The following WWOX variants were observed in gnomAD, a reference collection of about 807,000 sequenced individuals.
WWOX encodes WW domain-containing oxidoreductase.
Under a neutral mutation model 46.2 loss-of-function variants are expected in WWOX, and 69 were observed. The ratio of observed to expected loss-of-function variants is 1.49; its 90% CI spans 1.23 to 1.82. WWOX has a LOEUF of 1.82. Among genes scored for constraint, WWOX ranks in the 40% most tolerant of loss-of-function variants. The pLI is 0.00. For synonymous variants in WWOX, 359 were observed against 202.6 expected (o/e 1.77, Z -6.56); for missense variants, 919 against 542.6 (o/e 1.69, Z -6.89).
intron 8 of WWOX, among the ~76,000 whole-genome samples, chr16:79,092,273 A>G (rs1263566565): frequency 6.6e-6 from 1 of 152,216 alleles, no homozygotes; most frequent in Non-Finnish European, 1.5e-5. Flanking sequence ...TAACAATATT[A>G]AAACCTAAAG....
chr16:79,017,980 C>T (rs1283830751), intron 8 of WWOX, among the ~76,000 whole-genome samples: 1 of 152,192 alleles, frequency 6.6e-6, no homozygotes, highest in African/African-American at 2.4e-5. Flanking sequence ...TTGCACACCA[C>T]AGTATCCAAA....
At chr16:79,083,785 G>A (rs1431656308) in intron 8 of WWOX, among the ~76,000 whole-genome samples, 1 of 151,974 alleles carries the variant, frequency 6.6e-6, no homozygotes, top group Non-Finnish European at 1.5e-5. Context: ...GTTCCCATCT[G>A]AGGTCTTGTC....
At chr16:78,907,298 G>A (rs1054317496) in intron 8 of WWOX, among the ~76,000 whole-genome samples, 11 of 152,126 alleles carry the variant, frequency 7.2e-5, no homozygotes, top group African/African-American at 1.9e-4. Flanking sequence ...TGCAAAAGCC[G>A]GAAAAGACAT....
chr16:78,782,083 T>C (rs1402948620), intron 8 of WWOX, among the ~76,000 whole-genome samples: 1 of 152,120 alleles, frequency 6.6e-6, no homozygotes, highest in Admixed American at 6.6e-5. Context: ...CGGGGAGAAA[T>C]AGATGAAGCT....
intron 5 of WWOX, among the ~76,000 whole-genome samples, chr16:78,368,439 C>G (rs1481993581): frequency 6.6e-6 from 1 of 152,148 alleles, no homozygotes; most frequent in Non-Finnish European, 1.5e-5. Flanking sequence ...CTTTGGTTTT[C>G]CTGATGTACC....
chr16:78,543,072 T>C (rs987484985), intron 8 of WWOX, among the ~76,000 whole-genome samples: 1 of 152,210 alleles, frequency 6.6e-6, no homozygotes, highest in Admixed American at 6.5e-5. Context: ...GCAGAGTACA[T>C]GTGTTTCATT....
intron 8 of WWOX, among the ~76,000 whole-genome samples, chr16:78,585,819 T>G (rs951545418): frequency 6.6e-6 from 1 of 152,020 alleles, no homozygotes; most frequent in African/African-American, 2.4e-5. Flanking sequence ...CTTGGCCTGA[T>G]TCTGTGGCCT....
chr16:78,639,731 T>G (rs1450246176), intron 8 of WWOX, among the ~76,000 whole-genome samples: 1 of 152,012 alleles, frequency 6.6e-6, no homozygotes, highest in Non-Finnish European at 1.5e-5. Context: ...GCCCAGCTAA[T>G]TTTTTGTCTT....
chr16:78,210,899 A>G (rs1373605241), intron 5 of WWOX, among the ~76,000 whole-genome samples: 1 of 152,216 alleles, frequency 6.6e-6, no homozygotes, highest in African/African-American at 2.4e-5. Context: ...TACCAAATTT[A>G]GTATATTTAT....
intron 8 of WWOX, among the ~76,000 whole-genome samples, chr16:78,867,392 C>T (rs1021890648): frequency 6.6e-6 from 1 of 152,090 alleles, no homozygotes. Flanking sequence ...TTTTACACAT[C>T]TTACCTCAAC....
intron 8 of WWOX, among the ~76,000 whole-genome samples, chr16:79,156,300 C>T (rs145265946): frequency 6.6e-6 from 1 of 152,176 alleles, no homozygotes; most frequent in African/African-American, 2.4e-5. Context: ...TAGCTAAGAC[C>T]CAGGTGCGCA....
intron 8 of WWOX, among the ~76,000 whole-genome samples, chr16:78,657,496 G>A (rs1465958420): frequency 1.3e-5 from 2 of 152,204 alleles, no homozygotes; most frequent in Admixed American, 1.3e-4. Flanking sequence ...GCTGGGGTCA[G>A]TAAAAGGAGA....
intron 8 of WWOX, among the ~76,000 whole-genome samples, chr16:79,136,844 A>G (rs910957100): frequency 6.6e-6 from 1 of 152,190 alleles, no homozygotes; most frequent in Admixed American, 6.5e-5. Context: ...ACATTTCCAG[A>G]ATATGTGTAA....
At chr16:78,825,667 C>T (rs973857456) in intron 8 of WWOX, 2 of 523,542 alleles carry the variant, frequency 3.8e-6, no homozygotes, top group African/African-American at 3.8e-5. Context: ...AATAGGGGGG[C>T]CATAGGCTGC....
intron 5 of WWOX, among the ~76,000 whole-genome samples, chr16:78,280,558 G>A (rs865907906): frequency 2.0e-5 from 3 of 151,896 alleles, no homozygotes; most frequent in Admixed American, 6.6e-5. Flanking sequence ...GAAGCATAGC[G>A]GCTTCTGCTT....
At chr16:79,003,296 C>T (rs2047129515) in intron 8 of WWOX, among the ~76,000 whole-genome samples, 1 of 152,126 alleles carries the variant, frequency 6.6e-6, no homozygotes, top group Non-Finnish European at 1.5e-5. Context: ...AGTCTATTGT[C>T]ACAAGGAATG....
chr16:78,118,045 C>CTTTCT (rs1555537024), intron 4 of WWOX, among the ~76,000 whole-genome samples: 21 of 138,422 alleles, frequency 1.5e-4, no homozygotes, highest in East Asian at 4.1e-4. Context: ...TTCTTTCTTT[C>CTTTCT]TTTTTTTTTT....
intron 8 of WWOX, among the ~76,000 whole-genome samples, chr16:78,605,716 C>T (rs2045740516): frequency 6.6e-6 from 1 of 152,162 alleles, no homozygotes; most frequent in Admixed American, 6.5e-5. Context: ...TGAGTGTCTA[C>T]AGATGATGAA....
At chr16:78,671,024 GCTGGAACAGAGC>G (rs1192594950) in intron 8 of WWOX, among the ~76,000 whole-genome samples, 1 of 152,038 alleles carries the variant, frequency 6.6e-6, no homozygotes, top group Non-Finnish European at 1.5e-5. Context: ...TACACCAGAA[GCTGGAACAGAGC>G]CTGCAAGCAT....
Sources: gnomAD v4.1 joint callset for allele counts (sites outside exome capture counted in the v4.1 genomes callset) on GRCh38, gnomAD v4.1.1 for gene constraint, MANE v1.5 for transcripts, NCBI Gene and HGNC (gene_info 2026-07-23, HGNC 2026-07-21) for gene names.